Variants in ZNF429 observed in about 807,000 individuals in gnomAD.
ZNF429 encodes the protein zinc finger protein 429.
ZNF429 carries 53 observed loss-of-function variants against 56.8 expected under a neutral mutation model. That is an observed-to-expected ratio of 0.93 (90% CI 0.75 to 1.17). The LOEUF is 1.17. Ranked by LOEUF, ZNF429 falls within the 50% of genes most tolerant of loss-of-function variation. The pLI, the probability that ZNF429 is intolerant of heterozygous loss-of-function variation, is 0.00. For missense variants in ZNF429, 849 were observed against 788.4 expected (o/e 1.08, Z -0.92); for synonymous variants, 278 against 264.7 (o/e 1.05, Z -0.49).
chr19:21,535,330 T>TTTCTTTCTTTCTTTC, intron 3 of ZNF429, among the ~76,000 whole-genome samples: 3 of 78,288 alleles, frequency 3.8e-5, no homozygotes, highest in African/African-American at 1.2e-4. Context: ...TTTCTTTCTC[T>TTTCTTTCTTTCTTTC]TTTCTTTTCT....
chr19:21,517,489 T>C (rs149021473), intron 1 of ZNF429, among the ~76,000 whole-genome samples: 27 of 72,196 alleles, frequency 3.7e-4, no homozygotes, highest in African/African-American at 1.4e-3. Flanking sequence ...TCAATTTTTT[T>C]AGTAGTTTTA....
intron 2 of ZNF429, among the ~76,000 whole-genome samples, chr19:21,530,162 G>A: frequency 6.7e-6 from 1 of 149,196 alleles, no homozygotes; most frequent in Admixed American, 6.7e-5. Context: ...CTGCAGTCCA[G>A]CCTGGGCAAA....
rs182988303 is a variant in ZNF429, at chr19:21,538,373, G to A, written c.*295G>A. 5.3e-5 allele frequency among the ~76,000 whole-genome samples: 8 copies of A among 151,816 alleles called. No homozygotes were observed. The highest frequency in any genetic ancestry group is 2.1e-4 in the South Asian group (1 of 4,798). The stretch of plus-strand genomic sequence containing the variant: ...TCCCAGCACTTTGGGAGGCCGAGGC[G>A]GGTGGATCACGAGGTCAGGAGTTCA... On this transcript the variant is annotated 3_prime_UTR_variant, in exon 4 of 4. Coordinates refer to ENST00000358491, the MANE Select transcript of ZNF429 (RefSeq NM_001001415.4).
chr19:21,527,716 T>C (rs1387046175), intron 1 of ZNF429, among the ~76,000 whole-genome samples: 3 of 152,170 alleles, frequency 2.0e-5, no homozygotes, highest in African/African-American at 7.2e-5. Flanking sequence ...TTTTTGCAAG[T>C]CTTGATTCTT....
intron 1 of ZNF429, among the ~76,000 whole-genome samples, chr19:21,511,447 G>C (rs1258635886): frequency 1.3e-5 from 2 of 151,968 alleles, no homozygotes; most frequent in African/African-American, 2.4e-5. Flanking sequence ...CGGGGCAGTG[G>C]GGCAGAGGCG....
intron 1 of ZNF429, among the ~76,000 whole-genome samples, chr19:21,519,766 C>T (rs878862232): frequency 6.6e-6 from 1 of 152,140 alleles, no homozygotes; most frequent in Admixed American, 6.5e-5. Flanking sequence ...ACACAGTGAT[C>T]TAAGTGTCTG....
chr19:21,522,098 C>T lies in ZNF429; in HGVS notation c.4-7560C>T, dbSNP rs146257638. 7.2e-5 allele frequency among the ~76,000 whole-genome samples: 11 copies of T among 152,296 alleles called. No homozygotes were observed. In the East Asian group the frequency reaches 1.9e-3, roughly 27 times the overall value. The stretch of plus-strand genomic sequence containing the variant: ...TGCTTAGGGAGTAGAGGAGCCATTG[C>T]TTTAAAATGTAAATAGCCAAAAAGA... On this transcript the variant is annotated intron_variant, in intron 1 of 3. Transcript: ENST00000358491.
intron 1 of ZNF429, among the ~76,000 whole-genome samples, chr19:21,518,090 A>G (rs753897106): frequency 1.2e-4 from 18 of 152,074 alleles, no homozygotes; most frequent in Non-Finnish European, 2.2e-4. Context: ...TATTGTGTTT[A>G]TTTGAATCTT....
At chr19:21,512,405 AT>A (rs1380304357) in intron 1 of ZNF429, among the ~76,000 whole-genome samples, 1 of 152,074 alleles carries the variant, frequency 6.6e-6, no homozygotes, top group Non-Finnish European at 1.5e-5. Flanking sequence ...ATGCGCGGTA[AT>A]TTCAGCACTT....
In ZNF429 at chr19:21,536,302, A is replaced by G. The variant is rs771963323; in HGVS notation, c.249A>G (p.Glu83=). 1.1e-5 allele frequency: 18 copies of G among 1,577,932 alleles called. No homozygotes were observed. In the East Asian group the frequency reaches 4.0e-4, roughly 35 times the overall value. ...TAGTTGTGTGTTCTCATTTTGCTGA[A>G]GACTTTTGGCCAGAGCAAGACATAA... ...EPPVVCSHFA[E]DFWPEQDIKD... Residue 83 remains glutamate (E), a synonymous_variant, in exon 4 of 4, where the codon GAA becomes GAG. Coordinates refer to ENST00000358491, the MANE Select transcript of ZNF429 (RefSeq NM_001001415.4).
chr19:21,506,474 C>G (rs4462730), intron 1 of ZNF429, among the ~76,000 whole-genome samples: 5,095 of 146,656 alleles, frequency 0.035, 305 homozygotes, highest in African/African-American at 0.12. Context: ...GGAGTCACTG[C>G]AAAATATTAA....
intron 3 of ZNF429, among the ~76,000 whole-genome samples, chr19:21,535,465 TTTC>T: frequency 0.029 from 2,811 of 98,600 alleles, 382 homozygotes; most frequent in Non-Finnish European, 0.034. Flanking sequence ...TCTTTCTTTC[TTTC>T]TTTCTTTCTT....
At chr19:21,535,451 T>G in intron 3 of ZNF429, among the ~76,000 whole-genome samples, 1 of 102,284 alleles carries the variant, frequency 9.8e-6, no homozygotes, top group African/African-American at 4.4e-5. Context: ...TTTCTTTCTT[T>G]CTTTCTTTCT....
At chr19:21,515,587 T>A (rs1243638833) in intron 1 of ZNF429, among the ~76,000 whole-genome samples, 1 of 152,164 alleles carries the variant, frequency 6.6e-6, no homozygotes, top group Non-Finnish European at 1.5e-5. Context: ...GTTTTTTGTT[T>A]TTTTGCTGTG....
intron 1 of ZNF429, among the ~76,000 whole-genome samples, chr19:21,520,776 A>G (rs1348909002): frequency 1.3e-5 from 2 of 152,224 alleles, no homozygotes; most frequent in African/African-American, 4.8e-5. Context: ...AGAGCAGTTC[A>G]GTGTATAAAC....
At position 21,535,362 on chromosome 19, in the gene ZNF429, TTTCTTTCTTTCTTTCTTTTTTA is replaced by T; in HGVS notation, c.227-917_227-896del. Among the ~76,000 whole-genome samples, 56 of 67,056 alleles carry T rather than the reference TTTCTTTCTTTCTTTCTTTTTTA, an allele frequency of 8.4e-4. 8 individuals are homozygous for T. Among genetic ancestry groups the T allele is most frequent in the African/African-American group, 2.5e-3 (52 of 20,630 alleles). 44.0% of individuals were successfully genotyped at this position (67,056 alleles called of 152,430 possible). On this transcript the variant is annotated intron_variant, in intron 3 of 3. Coordinates refer to ENST00000358491, the MANE Select transcript of ZNF429 (RefSeq NM_001001415.4). ...TTCTTTCCTTTCCTTTCTTTTCTTC[TTTCTTTCTTTCTTTCTTTTTTA>T]CTTTCTTTCTTTCTTTCTTTCTTTT... is the stretch of plus-strand genomic sequence containing the variant.
chr19:21,526,344 C>A (rs866212069), intron 1 of ZNF429, among the ~76,000 whole-genome samples: 1 of 152,144 alleles, frequency 6.6e-6, no homozygotes, highest in South Asian at 2.1e-4. Flanking sequence ...ACTCTTCCCC[C>A]AAAGTCCCCA....
At chr19:21,527,054 T>G (rs2033196170) in intron 1 of ZNF429, among the ~76,000 whole-genome samples, 1 of 152,204 alleles carries the variant, frequency 6.6e-6, no homozygotes, top group Non-Finnish European at 1.5e-5. Flanking sequence ...AGTGTACAGA[T>G]GAGTTGTCTT....
In ZNF429 at chr19:21,536,262, GT is replaced by G; in HGVS notation, c.227-14del. 1 of 1,541,450 alleles carries G rather than the reference GT, an allele frequency of 6.5e-7. No individual in the cohort carries two copies. The highest frequency in any genetic ancestry group is 8.7e-7 in the Non-Finnish European group (1 of 1,149,496). ...AGTCTAGTAAGTGAAGTAATTTGTT[GT>G]TTTAATTTTATTTTAGTTGTGTGTT... On this transcript the variant is annotated splice_polypyrimidine_tract_variant and intron_variant, in intron 3 of 3. Transcript: ENST00000358491.
Sources: gnomAD v4.1 joint callset for allele counts (sites outside exome capture counted in the v4.1 genomes callset) on GRCh38, gnomAD v4.1.1 for gene constraint, MANE v1.5 for transcripts, NCBI Gene and HGNC (gene_info 2026-07-23, HGNC 2026-07-21) for gene names.